Variants in ALG6 observed in about 807,000 individuals in gnomAD.
The protein encoded by ALG6 is dolichyl pyrophosphate Man9GlcNAc2 alpha-1,3-glucosyltransferase.
A neutral mutation model predicts 66.6 loss-of-function variants in ALG6; 46 were observed. The ratio of observed to expected loss-of-function variants is 0.69; its 90% confidence interval spans 0.55 to 0.88. The LOEUF (loss-of-function observed/expected upper bound fraction) is 0.88. Among genes scored for constraint, ALG6 ranks in the 40% least tolerant of loss-of-function variants. ALG6 has a pLI of 0.00. For synonymous variants in ALG6, 185 were observed against 203.7 expected (o/e 0.91, Z 0.78); for missense variants, 505 against 586.8 (o/e 0.86, Z 1.44).
chr1:63,403,220 A>G (rs1644474301), intron 4 of ALG6, among the ~76,000 whole-genome samples: 1 of 151,906 alleles, frequency 6.6e-6, no homozygotes, highest in African/African-American at 2.4e-5. Context: ...TGTTATCCAT[A>G]TGTGTAGACT....
rs1647902141 is a variant in ALG6 at position 63,370,864 on chromosome 1, C to T, written c.-114C>T. On this transcript the variant is annotated 5_prime_UTR_variant, in exon 2 of 15. Transcript: ENST00000263440. ...ACTCCTAATTGCGAAGAATCGATAACATTTCAAGAAGTGATAACATTTCTC... is the reference window on the plus strand; with the variant it reads ...ACTCCTAATTGCGAAGAATCGATAATATTTCAAGAAGTGATAACATTTCTC... 8.3e-5 allele frequency: 64 copies of T among 775,692 alleles called. 1 individual carries two copies. Among genetic ancestry groups the T allele is most frequent in the Non-Finnish European group, 2.6e-5 (11 of 427,258 alleles). The allele number at this position is 775,692 out of a possible 1,614,324, so 48.1% of individuals were successfully genotyped here.
At position 63,369,403 on chromosome 1, in the gene ALG6, T is replaced by C. The variant is rs562190375; in HGVS notation, c.-207-1368T>C. Among the ~76,000 whole-genome samples, 310 of 152,032 alleles carry C rather than the reference T, an allele frequency of 2.0e-3. 6 individuals carry two copies. Among genetic ancestry groups the C allele is most frequent in the South Asian group, 8.5e-3 (41 of 4,808 alleles). On this transcript the variant is annotated intron_variant, in intron 1 of 14. Coordinates refer to ENST00000263440, the MANE Select transcript of ALG6 (RefSeq NM_013339.4). ...CAGCACTTTGGGAGACCAAGGAGGG[T>C]GGATCACCTGAGGTCAGGAGTTCAA...
intron 9 of ALG6, chr1:63,413,739 A>G (rs1313858775): frequency 1.4e-5 from 3 of 208,464 alleles, no homozygotes; most frequent in African/African-American, 7.0e-5. Flanking sequence ...TAGAAAAAAC[A>G]TTTCTTAGAA....
intron 1 of ALG6, among the ~76,000 whole-genome samples, chr1:63,369,888 G>A (rs1294229864): frequency 6.6e-6 from 1 of 151,316 alleles, no homozygotes; most frequent in African/African-American, 2.4e-5. Flanking sequence ...GTGCGATCTC[G>A]GCTCACTGCA....
chr1:63,382,374 T>C (rs931926441), intron 2 of ALG6, among the ~76,000 whole-genome samples: 1 of 151,754 alleles, frequency 6.6e-6, no homozygotes, highest in East Asian at 1.9e-4. Context: ...GCTAATTTTT[T>C]GTATTTTTAG....
chr1:63,384,431 C>T (rs753550076), intron 2 of ALG6, among the ~76,000 whole-genome samples: 1 of 152,004 alleles, frequency 6.6e-6, no homozygotes, highest in African/African-American at 2.4e-5. Context: ...ATATTTTCTC[C>T]CATTCTGTGG....
At chr1:63,374,379 G>A (rs1648044026) in intron 2 of ALG6, among the ~76,000 whole-genome samples, 1 of 152,162 alleles carries the variant, frequency 6.6e-6, no homozygotes. Flanking sequence ...TGTAATCCCA[G>A]CACTTTGGGA....
At chr1:63,418,785 T>C (rs114461972) in intron 11 of ALG6, among the ~76,000 whole-genome samples, 1,796 of 152,248 alleles carry the variant, frequency 0.012, 37 homozygotes, top group African/African-American at 0.039. Context: ...TAGGAGGTGC[T>C]GTAGATAGCA....
intron 2 of ALG6, chr1:63,371,406 G>T (rs2100378786): frequency 3.6e-6 from 1 of 280,276 alleles, no homozygotes; most frequent in Admixed American, 5.0e-5. Flanking sequence ...GGATTAAAGG[G>T]AAGCGATCAG....
At chr1:63,421,407 A>G (rs1644572629) in intron 12 of ALG6, among the ~76,000 whole-genome samples, 1 of 152,190 alleles carries the variant, frequency 6.6e-6, no homozygotes, top group South Asian at 2.1e-4. Context: ...TGTGGAAGAT[A>G]GTGTGGTGAT....
chr1:63,384,387 G>A (rs191599730), intron 2 of ALG6, among the ~76,000 whole-genome samples: 1 of 152,012 alleles, frequency 6.6e-6, no homozygotes, highest in East Asian at 1.9e-4. Context: ...ATATATTCTG[G>A]TTGTTAATCC....
chr1:63,379,562 C>T (rs1189477558), intron 2 of ALG6, among the ~76,000 whole-genome samples: 1 of 152,040 alleles, frequency 6.6e-6, no homozygotes, highest in Admixed American at 6.6e-5. Context: ...CTCCTGGTAG[C>T]CAGGCTATTG....
chr1:63,430,587 C>A (rs1238235022), intron 14 of ALG6, among the ~76,000 whole-genome samples: 2 of 152,142 alleles, frequency 1.3e-5, no homozygotes, highest in East Asian at 3.8e-4. Context: ...TATAACCATC[C>A]TAGTGGGTGT....
intron 2 of ALG6, among the ~76,000 whole-genome samples, chr1:63,377,941 G>A (rs1232984439): frequency 2.0e-5 from 3 of 152,068 alleles, no homozygotes; most frequent in Non-Finnish European, 4.4e-5. Flanking sequence ...AGGTCCTGCT[G>A]TGTTGCCCAA....
chr1:63,370,249 A>G (rs560261594), intron 1 of ALG6, among the ~76,000 whole-genome samples: 11 of 152,144 alleles, frequency 7.2e-5, no homozygotes, highest in African/African-American at 2.6e-4. Context: ...AATGATTCTT[A>G]AAAAGGCTCA....
rs1192427969 is a variant in ALG6, at chr1:63,429,037, GA to G, written c.1239del (p.Glu414LysfsTer5). 9 of 1,607,628 alleles carry G rather than the reference GA, an allele frequency of 5.6e-6. No individual in the cohort carries two copies. The highest frequency in any genetic ancestry group is 7.6e-6 in the Non-Finnish European group (9 of 1,177,872). On this transcript the variant is annotated frameshift_variant, in exon 14 of 15. Transcript: ENST00000263440. LOFTEE classifies it high-confidence loss of function. ...TSFSIFEKTS[E>X]EELQLKSFSI... ...CTTTTCAATATTTGAAAAGACTTCT[GA>G]AGAAGAACTGCAGTTGAAATCCTTT...
intron 2 of ALG6, among the ~76,000 whole-genome samples, chr1:63,381,634 G>A (rs1175284223): frequency 7.0e-6 from 1 of 142,080 alleles, no homozygotes; most frequent in African/African-American, 2.6e-5. Context: ...GACAGAACAA[G>A]ACCCTGTTTA....
chr1:63,401,645 C>G (rs1271267693), intron 3 of ALG6, among the ~76,000 whole-genome samples: 1 of 151,000 alleles, frequency 6.6e-6, no homozygotes, highest in Non-Finnish European at 1.5e-5. Flanking sequence ...CCACTGCACT[C>G]CAGTCTAGGT....
intron 2 of ALG6, among the ~76,000 whole-genome samples, chr1:63,379,729 C>T (rs1648244330): frequency 6.7e-6 from 1 of 149,628 alleles, no homozygotes; most frequent in African/African-American, 2.4e-5. Flanking sequence ...ATACGTAATA[C>T]TATATTATTA....
Sources: allele counts gnomAD v4.1 joint callset (sites outside exome capture counted in the v4.1 genomes callset), GRCh38; gene constraint gnomAD v4.1.1; transcripts MANE v1.5; gene names NCBI Gene and HGNC (gene_info 2026-07-23, HGNC 2026-07-21).